The following SSH2 variants were observed in gnomAD, a reference collection of about 807,000 sequenced individuals.
SSH2 encodes protein phosphatase Slingshot homolog 2.
Under a neutral mutation model 135.2 loss-of-function variants are expected in SSH2, and 37 were observed. The observed-to-expected ratio is 0.27, with a 90% confidence interval of 0.21 to 0.36. The LOEUF (loss-of-function observed/expected upper bound fraction) is 0.36, where lower values mean the gene tolerates loss of function less well. SSH2 is among the 10% of genes least tolerant of loss of function. The pLI, the probability that SSH2 is intolerant of heterozygous loss-of-function variation, is 1.00. For synonymous variants in SSH2, 628 were observed against 646.2 expected (o/e 0.97, Z 0.43); for missense variants, 1,408 against 1,765.3 (o/e 0.80, Z 3.63).
chr17:29,734,667 C>T (rs1463009046), intron 3 of SSH2, among the ~76,000 whole-genome samples: 3 of 152,174 alleles, frequency 2.0e-5, no homozygotes, highest in Non-Finnish European at 1.5e-5. Context: ...TGGAATAGTT[C>T]AAGCACTAGC....
intron 2 of SSH2, among the ~76,000 whole-genome samples, chr17:29,833,186 T>C (rs1030152576): frequency 1.3e-5 from 2 of 152,224 alleles, no homozygotes; most frequent in African/African-American, 2.4e-5. Context: ...AGTGGAATGA[T>C]GAAGTATCCA....
At chr17:29,724,541 A>C (rs1316144709) in intron 3 of SSH2, among the ~76,000 whole-genome samples, 2 of 149,802 alleles carry the variant, frequency 1.3e-5, no homozygotes, top group African/African-American at 2.4e-5. Flanking sequence ...AAAAAAAAAA[A>C]AAAAACAAAA....
At chr17:29,799,782 G>A (rs1295837689) in intron 2 of SSH2, among the ~76,000 whole-genome samples, 5 of 152,124 alleles carry the variant, frequency 3.3e-5, no homozygotes, top group East Asian at 1.9e-4. Context: ...TGAGTACTAC[G>A]ATGGGCTAGG....
At chr17:29,889,134 G>A (rs745366847) in intron 1 of SSH2, among the ~76,000 whole-genome samples, 1 of 151,924 alleles carries the variant, frequency 6.6e-6, no homozygotes, top group African/African-American at 2.4e-5. Context: ...AGGCCTAAAT[G>A]TAAGAGAAAA....
intron 3 of SSH2, among the ~76,000 whole-genome samples, chr17:29,722,151 T>G (rs2151168893): frequency 6.6e-6 from 1 of 151,952 alleles, no homozygotes; most frequent in South Asian, 2.1e-4. Flanking sequence ...GGCCGGCACC[T>G]GTAATCCCAG....
intron 1 of SSH2, among the ~76,000 whole-genome samples, chr17:29,918,605 T>C (rs569194460): frequency 1.1e-4 from 16 of 152,348 alleles, no homozygotes; most frequent in African/African-American, 3.8e-4. Context: ...GCATATATCA[T>C]GCTATTTGTA....
At chr17:29,756,217 G>A (rs12938035) in intron 3 of SSH2, among the ~76,000 whole-genome samples, 1 of 149,728 alleles carries the variant, frequency 6.7e-6, no homozygotes, top group African/African-American at 2.5e-5. Context: ...AGGTTGCGGT[G>A]AGCCCAGATC....
At chr17:29,925,686 G>C in intron 1 of SSH2, 1 of 387,416 alleles carries the variant, frequency 2.6e-6, no homozygotes, top group Non-Finnish European at 4.5e-6. Flanking sequence ...TCCAGCCTGT[G>C]CTACAGTGAG....
At chr17:29,844,222 T>C (rs2043092718) in intron 2 of SSH2, among the ~76,000 whole-genome samples, 1 of 152,194 alleles carries the variant, frequency 6.6e-6, no homozygotes, top group East Asian at 1.9e-4. Flanking sequence ...ATAAAAATAG[T>C]ATGACTATTC....
intron 8 of SSH2, among the ~76,000 whole-genome samples, chr17:29,674,589 AT>A (rs934873679): frequency 7.2e-5 from 11 of 152,130 alleles, no homozygotes; most frequent in East Asian, 5.8e-4. Flanking sequence ...CACATCATCT[AT>A]TTTTTTCCCC....
At chr17:29,857,625 G>A (rs1000652919) in intron 1 of SSH2, among the ~76,000 whole-genome samples, 2 of 152,160 alleles carry the variant, frequency 1.3e-5, no homozygotes, top group Non-Finnish European at 2.9e-5. Context: ...TAGTTGCTGG[G>A]ACTAAAAATT....
intron 1 of SSH2, 151 bp downstream of exon 1, chr17:29,929,787 A>C (rs2067148523): frequency 1.5e-6 from 1 of 659,294 alleles, no homozygotes; most frequent in Non-Finnish European, 2.6e-6. Flanking sequence ...GCTAGTCTTT[A>C]ACATGGGGGT....
intron 1 of SSH2, among the ~76,000 whole-genome samples, chr17:29,854,764 A>G (rs1265764832): frequency 6.6e-6 from 1 of 152,046 alleles, no homozygotes; most frequent in Non-Finnish European, 1.5e-5. Context: ...CCTGGCCAAC[A>G]TGGCAAAACC....
rs2039806614 is a variant in SSH2 at position 29,721,040 on chromosome 17, CAAATTCACT to C, written c.189-17987_189-17979del. Among the ~76,000 whole-genome samples the C allele has an allele frequency of 2.0e-5, 3 of 152,254 alleles. No homozygotes were observed. The South Asian group carries it at 6.2e-4, about 32-fold the overall frequency. Reference sequence around the variant, plus strand: ...ATGTCCAATCCAATGTTTAACAGTTCAAATTCACTAAATGCACATTTTAAAGTAAATTTA... The same window carrying C: ...ATGTCCAATCCAATGTTTAACAGTTCAAATGCACATTTTAAAGTAAATTTA... On this transcript the variant is annotated intron_variant, in intron 3 of 15. Coordinates refer to ENST00000540801, the MANE Select transcript of SSH2 (RefSeq NM_001282129.2).
intron 2 of SSH2, among the ~76,000 whole-genome samples, chr17:29,841,710 T>G (rs1403741371): frequency 2.0e-5 from 3 of 152,120 alleles, no homozygotes; most frequent in African/African-American, 2.4e-5. Context: ...TAGCTAGAGT[T>G]AAACCAGTGT....
chr17:29,738,611 T>G (rs2040452384), intron 3 of SSH2, among the ~76,000 whole-genome samples: 1 of 151,580 alleles, frequency 6.6e-6, no homozygotes, highest in African/African-American at 2.4e-5. Flanking sequence ...TGGAGTGCAG[T>G]GCTGCAATCT....
intron 1 of SSH2, among the ~76,000 whole-genome samples, chr17:29,919,599 T>C (rs2066939230): frequency 6.6e-6 from 1 of 152,106 alleles, no homozygotes; most frequent in Non-Finnish European, 1.5e-5. Context: ...ACTAAATACT[T>C]CTGATTAACA....
chr17:29,840,069 T>C (rs1363724960), intron 2 of SSH2, among the ~76,000 whole-genome samples: 2 of 152,140 alleles, frequency 1.3e-5, no homozygotes, highest in African/African-American at 4.8e-5. Context: ...GGTAAATTTT[T>C]CCCAAGCTAT....
intron 2 of SSH2, among the ~76,000 whole-genome samples, chr17:29,817,912 C>T (rs368608295): frequency 6.6e-6 from 1 of 151,906 alleles, no homozygotes; most frequent in African/African-American, 2.4e-5. Flanking sequence ...CATGTGCCAC[C>T]ATGTCCAGCT....
Sources: gnomAD v4.1 joint callset for allele counts (sites outside exome capture counted in the v4.1 genomes callset) on GRCh38, gnomAD v4.1.1 for gene constraint, MANE v1.5 for transcripts, NCBI Gene and HGNC (gene_info 2026-07-23, HGNC 2026-07-21) for gene names.